Variants in DOCK1 observed in about 807,000 individuals in gnomAD.
DOCK1 encodes the protein dedicator of cytokinesis 1.
Under a neutral mutation model 262.7 loss-of-function variants are expected in DOCK1, and 138 were observed. The observed-to-expected ratio is 0.53, with a 90% CI of 0.46 to 0.61. DOCK1 has a LOEUF of 0.61. Among genes scored for constraint, DOCK1 ranks in the 20% least tolerant of loss-of-function variants. The probability of loss-of-function intolerance (pLI) is 0.00; values close to 1 mark genes in which losing one functional copy is unlikely to be tolerated. For synonymous variants in DOCK1, 866 were observed against 867.4 expected (o/e 1.00, Z 0.03); for missense variants, 1,908 against 2,370.7 (o/e 0.80, Z 4.05).
intron 5 of DOCK1, 92 bp downstream of exon 5, chr10:126,987,709 G>A (rs577630127): frequency 9.4e-6 from 11 of 1,172,638 alleles, no homozygotes; most frequent in South Asian, 7.6e-5. Flanking sequence ...TTTTCTCAGC[G>A]AAACTTAAAA....
At chr10:127,130,110 G>T (rs2050231829) in intron 27 of DOCK1, among the ~76,000 whole-genome samples, 1 of 127,652 alleles carries the variant, frequency 7.8e-6, no homozygotes, top group African/African-American at 3.3e-5. Context: ...CTGAGATAGA[G>T]TCTTGCTCTG....
chr10:127,159,587 C>G (rs575258026), intron 27 of DOCK1, among the ~76,000 whole-genome samples: 2 of 152,072 alleles, frequency 1.3e-5, no homozygotes, highest in African/African-American at 2.4e-5. Context: ...TCAGTTAATC[C>G]TTTTTGGACC....
At chr10:127,411,263 G>T (rs1211009138) in intron 43 of DOCK1, among the ~76,000 whole-genome samples, 1 of 152,138 alleles carries the variant, frequency 6.6e-6, no homozygotes, top group Non-Finnish European at 1.5e-5. Flanking sequence ...GACCCACCGA[G>T]TGCTGAGGTG....
chr10:127,248,410 G>A (rs2059504759), intron 28 of DOCK1, among the ~76,000 whole-genome samples: 1 of 152,124 alleles, frequency 6.6e-6, no homozygotes, highest in African/African-American at 2.4e-5. Flanking sequence ...TTGGAAATTT[G>A]GAGATGTTAT....
In DOCK1 at chr10:127,175,625, G is replaced by A. The variant is rs369909713; in HGVS notation, c.2847+47861G>A. The A allele has an allele frequency of 2.3e-5, 37 of 1,612,934 alleles. No homozygotes were observed. The African/African-American group carries it at 3.2e-4, about 14-fold the overall frequency. On this transcript the variant is annotated intron_variant, in intron 27 of 51. Transcript: ENST00000623213. The surrounding 1 kb of genome is among the most constrained non-coding windows in gnomAD (Gnocchi z 6.3). ...GGGCCCTGGCACTGAGGGCAGGTGCGTAAACGGTGGCAACCTCCGTTTTAA... is the reference window on the plus strand; with the variant it reads ...GGGCCCTGGCACTGAGGGCAGGTGCATAAACGGTGGCAACCTCCGTTTTAA...
intron 1 of DOCK1, among the ~76,000 whole-genome samples, chr10:126,950,031 C>T (rs2036062158): frequency 6.6e-6 from 1 of 151,004 alleles, no homozygotes; most frequent in East Asian, 1.9e-4. Flanking sequence ...CTTTGAGGAG[C>T]CATCTAACAT....
At chr10:126,992,301 C>T (rs1261047357) in intron 6 of DOCK1, among the ~76,000 whole-genome samples, 1 of 152,076 alleles carries the variant, frequency 6.6e-6, no homozygotes, top group Non-Finnish European at 1.5e-5. Flanking sequence ...AGGAAGCTAG[C>T]AAAGTACATT....
chr10:127,360,545 G>A (rs929217280), intron 32 of DOCK1, among the ~76,000 whole-genome samples: 1 of 152,236 alleles, frequency 6.6e-6, no homozygotes. Context: ...TTGAGTGCTT[G>A]TGAGAAGCCA....
chr10:126,990,632 C>G lies in DOCK1; in HGVS notation c.473+29C>G, dbSNP rs188061145. ...TGTTTATTTGAAAGATGATTTTACG[C>G]TTAAATTATCCAATGTAATAACATC... On this transcript the variant is annotated intron_variant, in intron 6 of 51. Transcript: ENST00000623213. 3 of 1,608,688 alleles carry G rather than the reference C, an allele frequency of 1.9e-6. No homozygotes were observed. The East Asian group carries it at 6.7e-5, about 36-fold the overall frequency.
rs2071022889 is a variant in DOCK1 at position 127,452,419 on chromosome 10, C to A, written c.*992C>A. 3 of 152,404 alleles carry A rather than the reference C, an allele frequency of 2.0e-5. No individual in the cohort carries two copies. The highest frequency in any genetic ancestry group is 2.0e-4 in the Admixed American group (3 of 15,258). The allele number at this position is 152,404 out of a possible 1,614,324, so 9.4% of individuals were successfully genotyped here. On this transcript the variant is annotated 3_prime_UTR_variant, in exon 52 of 52. Coordinates refer to ENST00000623213, the MANE Select transcript of DOCK1 (RefSeq NM_001290223.2). ...TTGTATAACCTAATATTTGTATTCT[C>A]TCATCTATATTTTTTTATTCACTAT...
At chr10:127,116,043 T>C (rs2049160387) in intron 25 of DOCK1, among the ~76,000 whole-genome samples, 1 of 152,228 alleles carries the variant, frequency 6.6e-6, no homozygotes, top group Non-Finnish European at 1.5e-5. Context: ...TACCCCTTTT[T>C]GGTCTTGCAA....
intron 47 of DOCK1, among the ~76,000 whole-genome samples, chr10:127,429,141 C>T (rs2069108236): frequency 6.6e-6 from 1 of 151,952 alleles, no homozygotes; most frequent in Non-Finnish European, 1.5e-5. Context: ...ATTTCCAGCA[C>T]ATTGTGAGGC....
At chr10:127,367,846 G>A (rs1394242190) in intron 33 of DOCK1, among the ~76,000 whole-genome samples, 3 of 152,186 alleles carry the variant, frequency 2.0e-5, no homozygotes, top group East Asian at 1.9e-4. Context: ...GCTGCTGCCT[G>A]TGGGGTTTCT....
intron 27 of DOCK1, among the ~76,000 whole-genome samples, chr10:127,156,598 G>A (rs1170904146): frequency 3.0e-4 from 26 of 85,282 alleles, no homozygotes; most frequent in South Asian, 4.1e-4. Flanking sequence ...ACCAAGTTTC[G>A]CTCTTGTTGC....
intron 29 of DOCK1, among the ~76,000 whole-genome samples, chr10:127,311,798 T>C (rs1013173461): frequency 2.6e-5 from 4 of 152,226 alleles, no homozygotes; most frequent in African/African-American, 4.8e-5. Context: ...AGAAGGTTGC[T>C]CTGGGCTGCT....
intron 29 of DOCK1, among the ~76,000 whole-genome samples, chr10:127,329,423 GGCA>G (rs2062878385): frequency 1.3e-5 from 2 of 151,944 alleles, no homozygotes; most frequent in African/African-American, 4.8e-5. Context: ...GGGGTGCTAG[GGCA>G]GGGTCTCTGG....
intron 1 of DOCK1, among the ~76,000 whole-genome samples, chr10:126,913,020 C>T (rs2032038807): frequency 6.7e-6 from 1 of 149,966 alleles, no homozygotes; most frequent in Non-Finnish European, 1.5e-5. Flanking sequence ...GCCCATGGGT[C>T]CCTGGTGCTA....
intron 50 of DOCK1, among the ~76,000 whole-genome samples, 176 bp downstream of exon 50, chr10:127,444,455 C>T (rs143768797): frequency 3.8e-4 from 58 of 152,214 alleles, no homozygotes; most frequent in African/African-American, 1.3e-3. Context: ...TCTGGACTTC[C>T]GCAAATCAGG....
rs571501189 is a variant in DOCK1, at chr10:127,342,045, G to A, written c.3124-1601G>A. On this transcript the variant is annotated intron_variant, in intron 30 of 51. Coordinates refer to ENST00000623213, the MANE Select transcript of DOCK1 (RefSeq NM_001290223.2). ...TGGTGAAGCTGTCATTTAAAAAGAA[G>A]CATTCGTGTTTTGTTGTTGTTGCTG... 4.6e-5 allele frequency among the ~76,000 whole-genome samples: 7 copies of A among 152,288 alleles called. No homozygotes were observed. The South Asian group carries it at 1.5e-3, about 32-fold the overall frequency.
Sources: gnomAD v4.1 joint callset for allele counts (sites outside exome capture counted in the v4.1 genomes callset) on GRCh38, gnomAD v4.1.1 for gene constraint, Gnocchi (gnomAD v3.1) non-coding constraint, MANE v1.5 for transcripts, NCBI Gene and HGNC (gene_info 2026-07-23, HGNC 2026-07-21) for gene names.